The following IARS2 variants were observed in gnomAD, a reference collection of about 807,000 sequenced individuals.
IARS2 encodes isoleucine--tRNA ligase, mitochondrial.
In IARS2, 56 loss-of-function variants were observed where a neutral mutation model predicts 126.3. The observed-to-expected ratio is 0.44, with a 90% confidence interval of 0.36 to 0.55. IARS2 has a LOEUF of 0.55. Ranked by LOEUF, IARS2 falls within the 20% of genes least tolerant of loss-of-function variation. IARS2 has a pLI of 0.00. For missense variants in IARS2, 1,127 were observed against 1,245.9 expected (o/e 0.90, Z 1.44); for synonymous variants, 407 against 441.1 (o/e 0.92, Z 0.97).
Position 220,114,398 on chromosome 1 carries a change from A to G in IARS2, c.1564A>G (p.Ile522Val), listed in dbSNP as rs11800305. ...EMMDRRPYWC[I>V]SRQRVWGVPI... ...GATGGACAGGCGGCCATATTGGTGT[A>G]TATCAAGGCAAAGAGTTTGGGGTGT... Residue 522 changes from isoleucine to valine, a missense_variant, in exon 12 of 23, where the codon ATA becomes GTA. Coordinates refer to ENST00000366922, the MANE Select transcript of IARS2 (RefSeq NM_018060.4). 2.2e-3 allele frequency: 3,522 copies of G among 1,613,882 alleles called. 58 individuals carry two copies. The African/African-American group carries it at 0.035, about 16-fold the overall frequency.
intron 12 of IARS2, among the ~76,000 whole-genome samples, chr1:220,124,088 A>C (rs528616436): frequency 1.3e-5 from 2 of 152,248 alleles, no homozygotes; most frequent in African/African-American, 4.8e-5. Context: ...ATTAAGCTAA[A>C]GCCCCCTGCT....
At chr1:220,108,709 G>A (rs1380732776) in intron 10 of IARS2, among the ~76,000 whole-genome samples, 1 of 151,720 alleles carries the variant, frequency 6.6e-6, no homozygotes, top group African/African-American at 2.4e-5. Context: ...AATAGAGACA[G>A]GGTTTCACCA....
intron 19 of IARS2, 46 bp downstream of exon 19, chr1:220,140,335 G>T: frequency 1.7e-6 from 2 of 1,163,628 alleles, no homozygotes. Flanking sequence ...GCCAGGTGTG[G>T]TGACTCACGC....
At chr1:220,132,806 G>A (rs562285533) in intron 14 of IARS2, among the ~76,000 whole-genome samples, 31 of 152,122 alleles carry the variant, frequency 2.0e-4, no homozygotes, top group African/African-American at 6.7e-4. Flanking sequence ...TTTTACAGGC[G>A]TGAGCCACCG....
At chr1:220,113,667 C>T (rs1403167955) in intron 11 of IARS2, among the ~76,000 whole-genome samples, 1 of 141,406 alleles carries the variant, frequency 7.1e-6, no homozygotes, top group Admixed American at 6.7e-5. Flanking sequence ...ATTTTAGAGA[C>T]AGGCTCTTGC....
intron 12 of IARS2, 72 bp from the exon 13 acceptor site, chr1:220,125,165 C>A: frequency 1.2e-6 from 1 of 856,114 alleles, no homozygotes; most frequent in Non-Finnish European, 1.8e-6. Flanking sequence ...ATCACTATTT[C>A]TTAATTTTAA....
chr1:220,137,011 A>G (rs993781713), intron 16 of IARS2, 100 bp downstream of exon 16: 3 of 641,104 alleles, frequency 4.7e-6, no homozygotes, highest in Admixed American at 3.1e-5. Flanking sequence ...AATAAAAACT[A>G]TCTTTTATAC....
Position 220,094,335 on chromosome 1 carries a change from T to C in IARS2, c.119T>C (p.Leu40Pro), listed in dbSNP as rs775162912. The change falls in exon 1 of 23, where the codon CTT becomes CCT. Residue 40 changes from leucine (L) to proline (P), a missense_variant. Transcript: ENST00000366922. ...GGATGGCAAGGGGCGACGAAGAGGCTTCTGGTGCGGTCGGTCTCCGGGGCC... is the reference window on the plus strand; with the variant it reads ...GGATGGCAAGGGGCGACGAAGAGGCCTCTGGTGCGGTCGGTCTCCGGGGCC... ...SPGWQGATKR[L>P]LVRSVSGASN... The C allele has an allele frequency of 6.2e-7, 1 of 1,613,064 alleles. No individual in the cohort carries two copies. The highest frequency in any genetic ancestry group is 8.5e-7 in the Non-Finnish European group (1 of 1,179,652).
At chr1:220,133,945 A>G (rs1026237937) in intron 14 of IARS2, among the ~76,000 whole-genome samples, 1 of 144,602 alleles carries the variant, frequency 6.9e-6, no homozygotes, top group Non-Finnish European at 1.5e-5. Flanking sequence ...TGGAAAGAGG[A>G]AAAAAAAAAA....
chr1:220,107,731 A>G (rs115807979), intron 10 of IARS2, among the ~76,000 whole-genome samples: 39 of 152,334 alleles, frequency 2.6e-4, no homozygotes, highest in Middle Eastern at 3.4e-3. Context: ...GCTGGAAGCT[A>G]GAAGTCTAAA....
intron 12 of IARS2, among the ~76,000 whole-genome samples, chr1:220,115,992 G>A (rs935656245): frequency 2.6e-5 from 4 of 152,156 alleles, no homozygotes; most frequent in South Asian, 2.1e-4. Flanking sequence ...AGGCCAAGGC[G>A]GCAGGATTGC....
At chr1:220,095,630 A>G (rs1169482402) in intron 1 of IARS2, among the ~76,000 whole-genome samples, 5 of 152,180 alleles carry the variant, frequency 3.3e-5, no homozygotes, top group Non-Finnish European at 5.9e-5. Flanking sequence ...GTGCACAGTA[A>G]CCTGGACAAA....
At chr1:220,099,811 G>A (rs1656534541) in intron 2 of IARS2, among the ~76,000 whole-genome samples, 1 of 152,068 alleles carries the variant, frequency 6.6e-6, no homozygotes, top group African/African-American at 2.4e-5. Flanking sequence ...TTTTTTTAAT[G>A]TGACAACCAC....
At chr1:220,129,361 G>T (rs1657215190) in intron 14 of IARS2, among the ~76,000 whole-genome samples, 1 of 151,832 alleles carries the variant, frequency 6.6e-6, no homozygotes, top group African/African-American at 2.4e-5. Flanking sequence ...TTTCTTTGTG[G>T]TGGGAACATT....
intron 12 of IARS2, chr1:220,118,361 A>T (rs1656971393): frequency 4.5e-6 from 1 of 222,152 alleles, no homozygotes. Context: ...AGGGACTGGT[A>T]GATTTGAAAC....
Position 220,094,484 on chromosome 1 carries a change from G to A in IARS2, c.267+1G>A. 1 of 1,597,132 alleles carries A rather than the reference G, an allele frequency of 6.3e-7. No individual in the cohort carries two copies. Among genetic ancestry groups the A allele is most frequent in the Admixed American group, 1.7e-5 (1 of 57,696 alleles). On this transcript the variant is annotated splice_donor_variant, in intron 1 of 22. Transcript: ENST00000366922. LOFTEE classifies it high-confidence loss of function. Reference sequence around the variant, plus strand: ...GGACACGGAGCTGGAGATCCAGCAGGTACGGGCCCCGCCTCGGCGCGGGGC... The same window carrying A: ...GGACACGGAGCTGGAGATCCAGCAGATACGGGCCCCGCCTCGGCGCGGGGC...
intron 9 of IARS2, among the ~76,000 whole-genome samples, chr1:220,106,630 C>CTTTTTTTTT (rs200435156): frequency 7.2e-6 from 1 of 138,280 alleles, no homozygotes; most frequent in Non-Finnish European, 1.6e-5. Context: ...CTTTTCTTTT[C>CTTTTTTTTT]TTTTTTTTTT....
At chr1:220,109,612 A>G (rs1345508601) in intron 10 of IARS2, among the ~76,000 whole-genome samples, 1 of 152,236 alleles carries the variant, frequency 6.6e-6, no homozygotes, top group East Asian at 1.9e-4. Context: ...CAAACCCAGA[A>G]AAGGGTAATG....
intron 2 of IARS2, among the ~76,000 whole-genome samples, chr1:220,097,233 A>G (rs1433324814): frequency 2.0e-5 from 3 of 151,818 alleles, no homozygotes; most frequent in Non-Finnish European, 4.4e-5. Context: ...GAATTCACAT[A>G]AAATTAAGAA....
Sources: allele counts gnomAD v4.1 joint callset (sites outside exome capture counted in the v4.1 genomes callset), GRCh38; gene constraint gnomAD v4.1.1; transcripts MANE v1.5; gene names NCBI Gene and HGNC (gene_info 2026-07-23, HGNC 2026-07-21).